MICAL3: variants seen among roughly 807,000 people sequenced by gnomAD.
MICAL3 encodes microtubule associated monooxygenase, calponin and LIM domain containing 3.
In MICAL3, 62 loss-of-function variants were observed where a neutral mutation model predicts 207.4. The ratio of observed to expected loss-of-function variants is 0.30; its 90% CI spans 0.24 to 0.37. MICAL3 has a LOEUF of 0.37. Ranked by LOEUF, MICAL3 falls within the 10% of genes least tolerant of loss-of-function variation. The pLI, the probability that MICAL3 is intolerant of heterozygous loss-of-function variation, is 1.00. For missense variants in MICAL3, 2,368 were observed against 2,635.6 expected, an observed-to-expected ratio of 0.90 and a Z score of 2.22; for synonymous variants, 1,077 against 1,069.3, an observed-to-expected ratio of 1.01 and a Z score of -0.14.
chr22:17,937,055 T>C (rs1396102688), intron 1 of MICAL3, among the ~76,000 whole-genome samples: 1 of 152,222 alleles, frequency 6.6e-6, no homozygotes, highest in Non-Finnish European at 1.5e-5. Context: ...CAACTCGTAG[T>C]TCCATGAGTC....
chr22:17,816,328 C>A (rs1281892286), intron 27 of MICAL3, among the ~76,000 whole-genome samples: 1 of 152,242 alleles, frequency 6.6e-6, no homozygotes, highest in Non-Finnish European at 1.5e-5. Flanking sequence ...CCCTGGACTG[C>A]GCAGTGTTCT....
Position 17,891,580 on chromosome 22 carries a change from ATCTGTCTGCCTCT to A in MICAL3, c.1586_1598del (p.Gln529LeufsTer6), listed in dbSNP as rs1930396868. On this transcript the variant is annotated frameshift_variant, in exon 12 of 32. Coordinates refer to ENST00000441493, the MANE Select transcript of MICAL3 (RefSeq NM_015241.3). LOFTEE classifies it high-confidence loss of function. ...CTGTCACGTTTACCCCTGCATAGCC[ATCTGTCTGCCTCT>A]GGCACCAACCCAGCAGTTTGCTTGA... 6.2e-7 allele frequency: 1 copy of A among 1,613,892 alleles called. No individual in the cohort carries two copies. Among genetic ancestry groups the A allele is most frequent in the Non-Finnish European group, 8.5e-7 (1 of 1,179,888 alleles).
At chr22:17,985,130 C>T (rs1202813472) in intron 1 of MICAL3, among the ~76,000 whole-genome samples, 1 of 152,228 alleles carries the variant, frequency 6.6e-6, no homozygotes, top group Non-Finnish European at 1.5e-5. Context: ...AGTCTGCATG[C>T]AATATTGCAG....
intron 1 of MICAL3, among the ~76,000 whole-genome samples, chr22:17,920,807 T>TC (rs770861961): frequency 9.7e-4 from 147 of 152,136 alleles, no homozygotes; most frequent in Non-Finnish European, 1.0e-3. Flanking sequence ...TCTCCACTCC[T>TC]CAACCCAATC....
At chr22:18,020,576 A>G (rs1924399069) in intron 1 of MICAL3, among the ~76,000 whole-genome samples, 1 of 146,340 alleles carries the variant, frequency 6.8e-6, no homozygotes, top group African/African-American at 2.6e-5. Context: ...TGCTAAATGT[A>G]TACTTTCAAA....
At position 17,899,071 on chromosome 22, in the gene MICAL3, C is replaced by T. The variant is rs182120196; in HGVS notation, c.948+377G>A. On this transcript the variant is annotated intron_variant, in intron 7 of 31. Transcript: ENST00000441493. Reference sequence around the variant, plus strand: ...ATATGGAAATCACAATAACCACAAACCAAATCACCTAAAATTAAACTGAGT... The same window carrying T: ...ATATGGAAATCACAATAACCACAAATCAAATCACCTAAAATTAAACTGAGT... 4.6e-5 allele frequency among the ~76,000 whole-genome samples: 7 copies of T among 152,334 alleles called. 1 individual carries two copies. The East Asian group carries it at 1.3e-3, about 29-fold the overall frequency.
intron 16 of MICAL3, chr22:17,881,171 G>A: frequency 6.4e-7 from 1 of 1,558,728 alleles, no homozygotes; most frequent in Non-Finnish European, 8.8e-7. Context: ...CAGGCAGACA[G>A]AGACAGGAAC....
At chr22:17,947,924 T>TA (rs1200173224) in intron 1 of MICAL3, among the ~76,000 whole-genome samples, 1 of 151,886 alleles carries the variant, frequency 6.6e-6, no homozygotes, top group Non-Finnish European at 1.5e-5. Context: ...CATCCACACA[T>TA]ACCGTGTCTC....
intron 16 of MICAL3, chr22:17,876,609 G>A (rs529568166): frequency 1.3e-5 from 2 of 152,748 alleles, no homozygotes; most frequent in Non-Finnish European, 2.9e-5. Context: ...TAGCCCCCTG[G>A]GGGGCAGAGC....
intron 1 of MICAL3, among the ~76,000 whole-genome samples, chr22:17,911,506 G>A (rs991192584): frequency 2.0e-5 from 3 of 152,080 alleles, no homozygotes; most frequent in South Asian, 2.1e-4. Flanking sequence ...AGCCCATTCA[G>A]TCAGAGGTAT....
At chr22:17,819,201 T>G (rs781700463) in intron 25 of MICAL3, 72 bp from the exon 26 acceptor site, 107 of 1,397,194 alleles carry the variant, frequency 7.7e-5, no homozygotes, top group Non-Finnish European at 8.7e-5. Context: ...TCGGGGAGCC[T>G]TCTCACTCAA....
intron 28 of MICAL3, among the ~76,000 whole-genome samples, chr22:17,809,886 T>A (rs1393364412): frequency 6.6e-6 from 1 of 152,014 alleles, no homozygotes; most frequent in Non-Finnish European, 1.5e-5. Context: ...TCTTCCTTTT[T>A]TTTTTTATTT....
Position 17,938,693 on chromosome 22 carries a change from C to T in MICAL3, c.-74-31807G>A, listed in dbSNP as rs186242017. Among the ~76,000 whole-genome samples the T allele has an allele frequency of 2.6e-5, 4 of 152,298 alleles. No individual in the cohort carries two copies. In the South Asian group the frequency reaches 6.2e-4, roughly 24 times the overall value. On this transcript the variant is annotated intron_variant, in intron 1 of 31. Coordinates refer to ENST00000441493, the MANE Select transcript of MICAL3 (RefSeq NM_015241.3). ...AGAGTCTTAAAGGACTAAACGGAAG[C>T]GTGGCAGAGGGTGAGGCCACTGCTC...
intron 16 of MICAL3, among the ~76,000 whole-genome samples, chr22:17,882,314 C>T (rs1929511751): frequency 6.6e-6 from 1 of 152,194 alleles, no homozygotes; most frequent in South Asian, 2.1e-4. Context: ...GAGGCGGGCC[C>T]TTCTGTCAAC....
chr22:17,899,253 C>G (rs149706913), intron 7 of MICAL3, 195 bp downstream of exon 7: 1 of 663,224 alleles, frequency 1.5e-6, no homozygotes, highest in African/African-American at 1.8e-5. Flanking sequence ...ATTCTCCCCC[C>G]GTTTTTATTT....
At chr22:17,981,370 A>G (rs1312988476) in intron 1 of MICAL3, among the ~76,000 whole-genome samples, 1 of 152,192 alleles carries the variant, frequency 6.6e-6, no homozygotes, top group Non-Finnish European at 1.5e-5. Context: ...AAGAAAGAAG[A>G]TAAAGATCAA....
intron 16 of MICAL3, among the ~76,000 whole-genome samples, chr22:17,884,951 G>A (rs547937323): frequency 2.0e-5 from 3 of 152,184 alleles, no homozygotes; most frequent in Non-Finnish European, 2.9e-5. Flanking sequence ...TGGAAAAGAC[G>A]GAGAGAGAGA....
At chr22:17,954,076 T>G (rs1461017334) in intron 1 of MICAL3, among the ~76,000 whole-genome samples, 27 of 150,736 alleles carry the variant, frequency 1.8e-4, no homozygotes, top group Admixed American at 1.7e-3. Flanking sequence ...AGAGATGTAA[T>G]ACGGGAAACT....
chr22:17,799,949 A>AAC (rs3078144), intron 29 of MICAL3, among the ~76,000 whole-genome samples: 3,552 of 146,780 alleles, frequency 0.024, 57 homozygotes, highest in South Asian at 0.051. Context: ...CTCACTCTAA[A>AAC]ACACACACAC....
Sources: allele counts gnomAD v4.1 joint callset (sites outside exome capture counted in the v4.1 genomes callset), GRCh38; gene constraint gnomAD v4.1.1; transcripts MANE v1.5; gene names NCBI Gene and HGNC (gene_info 2026-07-23, HGNC 2026-07-21).